SPOCK1: variants seen among roughly 807,000 people sequenced by gnomAD.
SPOCK1 encodes testican-1.
A neutral mutation model predicts 55.3 loss-of-function variants in SPOCK1; 23 were observed. The ratio of observed to expected loss-of-function variants is 0.42; its 90% CI spans 0.30 to 0.59. The LOEUF (loss-of-function observed/expected upper bound fraction) is 0.59, where lower values mean the gene tolerates loss of function less well. Among genes scored for constraint, SPOCK1 ranks in the 20% least tolerant of loss-of-function variants. The pLI is 0.22. For missense variants in SPOCK1, 499 were observed against 552.5 expected (o/e 0.90, Z 0.97); for synonymous variants, 226 against 221.0 (o/e 1.02, Z -0.20).
intron 2 of SPOCK1, among the ~76,000 whole-genome samples, chr5:137,272,083 T>C (rs1756975170): frequency 6.6e-6 from 1 of 152,162 alleles, no homozygotes; most frequent in South Asian, 2.1e-4. Context: ...ACACACAAAA[T>C]GGAGAAGCAC....
intron 3 of SPOCK1, among the ~76,000 whole-genome samples, chr5:137,248,016 T>C (rs970974019): frequency 6.6e-6 from 1 of 152,200 alleles, no homozygotes; most frequent in Non-Finnish European, 1.5e-5. Context: ...AACAAACTTA[T>C]CTAAAATATA....
At chr5:137,200,505 G>A (rs11957994) in intron 3 of SPOCK1, among the ~76,000 whole-genome samples, 24,921 of 152,142 alleles carry the variant, frequency 0.16, 2,369 homozygotes, top group South Asian at 0.26. Flanking sequence ...CAGCATCTAT[G>A]CTCCAGAAAG....
chr5:137,335,871 C>G (rs1750262768), intron 2 of SPOCK1, among the ~76,000 whole-genome samples: 1 of 152,152 alleles, frequency 6.6e-6, no homozygotes, highest in African/African-American at 2.4e-5. Flanking sequence ...AAAGCATGAG[C>G]CCTGCGGTGC....
intron 2 of SPOCK1, among the ~76,000 whole-genome samples, chr5:137,445,733 A>G (rs1221081169): frequency 6.6e-6 from 1 of 152,218 alleles, no homozygotes; most frequent in Non-Finnish European, 1.5e-5. Context: ...AGAAGCACTT[A>G]TCTGGGGTAA....
intron 2 of SPOCK1, among the ~76,000 whole-genome samples, chr5:137,339,847 A>G (rs1277447160): frequency 6.6e-6 from 1 of 152,104 alleles, no homozygotes; most frequent in African/African-American, 2.4e-5. Context: ...CTGGGCCTGA[A>G]AGCAAATTGG....
At chr5:137,468,893 G>A (rs560307404) in intron 2 of SPOCK1, among the ~76,000 whole-genome samples, 4 of 152,254 alleles carry the variant, frequency 2.6e-5, no homozygotes, top group East Asian at 1.9e-4. Context: ...CACACATGCC[G>A]ACAACTGTCC....
In SPOCK1 at chr5:137,145,315, T is replaced by C. The variant is rs2127054527; in HGVS notation, c.233-4621A>G. On this transcript the variant is annotated intron_variant, in intron 3 of 10. Transcript: ENST00000394945. ...CACTACTTGGTCTCAATTAAGGTGG[T>C]GATATTTTAATTATCTTAATTGTTT... 3.3e-5 allele frequency among the ~76,000 whole-genome samples: 5 copies of C among 152,360 alleles called. No homozygotes were observed. The Middle Eastern group carries it at 0.017, about 518-fold the overall frequency.
intron 2 of SPOCK1, among the ~76,000 whole-genome samples, chr5:137,440,204 G>T (rs1036184851): frequency 6.6e-6 from 1 of 152,168 alleles, no homozygotes; most frequent in South Asian, 2.1e-4. Context: ...AAGAAAAAAG[G>T]CCTGGAAAGT....
At chr5:136,978,877 T>C (rs766572434) in intron 10 of SPOCK1, 33 bp from the exon 11 acceptor site, 1 of 1,582,838 alleles carries the variant, frequency 6.3e-7, no homozygotes, top group Non-Finnish European at 8.6e-7. Flanking sequence ...GAGGTTAGTT[T>C]CCACTTATAC....
chr5:137,061,327 A>C (rs1752390540), intron 6 of SPOCK1, among the ~76,000 whole-genome samples: 1 of 152,018 alleles, frequency 6.6e-6, no homozygotes, highest in Admixed American at 6.5e-5. Context: ...CCTTTTATCC[A>C]CGTTTCCAGC....
chr5:137,346,100 A>C (rs1015334476), intron 2 of SPOCK1, among the ~76,000 whole-genome samples: 3 of 152,220 alleles, frequency 2.0e-5, no homozygotes, highest in African/African-American at 7.2e-5. Flanking sequence ...CTTCCTTTGC[A>C]CAGGCTCCCT....
chr5:137,464,407 C>A (rs767604190), intron 2 of SPOCK1, among the ~76,000 whole-genome samples: 1 of 151,862 alleles, frequency 6.6e-6, no homozygotes, highest in East Asian at 1.9e-4. Flanking sequence ...ATTTCATGTA[C>A]CCCACAAACA....
chr5:137,082,457 G>A (rs1354939167), intron 5 of SPOCK1, among the ~76,000 whole-genome samples: 1 of 152,206 alleles, frequency 6.6e-6, no homozygotes, highest in African/African-American at 2.4e-5. Flanking sequence ...GAAGCAGGTG[G>A]CATGGGTGCA....
chr5:137,396,578 G>A (rs994000276), intron 2 of SPOCK1, among the ~76,000 whole-genome samples: 1 of 152,232 alleles, frequency 6.6e-6, no homozygotes, highest in East Asian at 1.9e-4. Context: ...TAGTGCACCT[G>A]CTGCACCTGC....
rs144722055 is a variant in SPOCK1 at position 137,125,388 on chromosome 5, G to T, written c.348-12827C>A. 1.8e-4 allele frequency among the ~76,000 whole-genome samples: 27 copies of T among 152,268 alleles called. 1 individual carries two copies. In the East Asian group the frequency reaches 5.2e-3, roughly 29 times the overall value. On this transcript the variant is annotated intron_variant, in intron 4 of 10. Coordinates refer to ENST00000394945, the MANE Select transcript of SPOCK1 (RefSeq NM_004598.4). ...TCAGCCAGTAGAGAAAGCAACAACTGCTGTAGATCAAATGTCTGTGTCTCC... is the reference window on the plus strand; with the variant it reads ...TCAGCCAGTAGAGAAAGCAACAACTTCTGTAGATCAAATGTCTGTGTCTCC...
At chr5:137,377,554 G>C (rs973285399) in intron 2 of SPOCK1, among the ~76,000 whole-genome samples, 1 of 152,180 alleles carries the variant, frequency 6.6e-6, no homozygotes, top group Non-Finnish European at 1.5e-5. Context: ...TACTCCCCAA[G>C]TATCAAGGAA....
At chr5:137,074,022 C>T (rs1362858171) in intron 5 of SPOCK1, among the ~76,000 whole-genome samples, 2 of 51,332 alleles carry the variant, frequency 3.9e-5, no homozygotes, top group Non-Finnish European at 9.5e-5. Flanking sequence ...ACAGTAGCAC[C>T]TGTGAGGCAC....
intron 4 of SPOCK1, among the ~76,000 whole-genome samples, chr5:137,135,310 C>G (rs1415180399): frequency 2.0e-5 from 3 of 152,176 alleles, no homozygotes; most frequent in Admixed American, 6.5e-5. Context: ...CCTCCACCCT[C>G]TGCCCCACGA....
At chr5:137,142,127 G>A (rs1754110411) in intron 3 of SPOCK1, among the ~76,000 whole-genome samples, 1 of 152,170 alleles carries the variant, frequency 6.6e-6, no homozygotes. Flanking sequence ...GTCTCCCCAT[G>A]TCCTCCCCAT....
Sources: allele counts gnomAD v4.1 joint callset (sites outside exome capture counted in the v4.1 genomes callset), GRCh38; gene constraint gnomAD v4.1.1; transcripts MANE v1.5; gene names NCBI Gene and HGNC (gene_info 2026-07-23, HGNC 2026-07-21).